Variants in TDRD3 observed in about 807,000 individuals in gnomAD.
The protein encoded by TDRD3 is tudor domain containing 3.
A neutral mutation model predicts 86.7 loss-of-function variants in TDRD3; 45 were observed. The observed-to-expected ratio is 0.52, with a 90% CI of 0.41 to 0.67. The LOEUF (loss-of-function observed/expected upper bound fraction) is 0.67. TDRD3 is among the 30% of genes least tolerant of loss of function. The pLI is 0.00. For synonymous variants in TDRD3, 298 were observed against 301.7 expected (o/e 0.99, Z 0.13); for missense variants, 814 against 889.0 (o/e 0.92, Z 1.07).
intron 5 of TDRD3, among the ~76,000 whole-genome samples, chr13:60,468,677 A>G (rs1956004749): frequency 6.6e-6 from 1 of 152,182 alleles, no homozygotes; most frequent in African/African-American, 2.4e-5. Context: ...TTATGATTAG[A>G]CAGATGATGG....
In TDRD3 at chr13:60,502,241, A is replaced by T. The variant is rs975754328; in HGVS notation, c.859-7522A>T. On this transcript the variant is annotated intron_variant, in intron 8 of 13. Coordinates refer to ENST00000377881, the MANE Select transcript of TDRD3 (RefSeq NM_001146070.2). Reference sequence around the variant, plus strand: ...AACTAGGATATTGATCCAGATTTTTACATTACCCATGCCTTTTTGTTTCTT... The same window carrying T: ...AACTAGGATATTGATCCAGATTTTTTCATTACCCATGCCTTTTTGTTTCTT... Among the ~76,000 whole-genome samples the T allele has an allele frequency of 2.6e-5, 4 of 152,328 alleles. No homozygotes were observed. The South Asian group carries it at 8.3e-4, about 32-fold the overall frequency.
At chr13:60,516,096 T>C (rs966874118) in intron 10 of TDRD3, among the ~76,000 whole-genome samples, 3 of 152,224 alleles carry the variant, frequency 2.0e-5, no homozygotes, top group Non-Finnish European at 2.9e-5. Context: ...TTCAGTGATA[T>C]GCATATATTT....
chr13:60,548,309 A>G (rs1346507992), intron 12 of TDRD3, among the ~76,000 whole-genome samples: 6 of 152,174 alleles, frequency 3.9e-5, no homozygotes, highest in African/African-American at 1.4e-4. Flanking sequence ...GCTTGCAGCT[A>G]AGGAAGAAAG....
chr13:60,444,618 A>G (rs1955356249), intron 2 of TDRD3, 65 bp from the exon 3 acceptor site: 1 of 936,120 alleles, frequency 1.1e-6, no homozygotes, highest in Admixed American at 3.2e-5. Flanking sequence ...TCTTTTGTTC[A>G]TGAGGTTAGA....
intron 3 of TDRD3, among the ~76,000 whole-genome samples, chr13:60,452,450 A>T (rs1415110340): frequency 6.6e-6 from 1 of 152,034 alleles, no homozygotes; most frequent in Non-Finnish European, 1.5e-5. Context: ...TTAAAACACC[A>T]TTTACAACAA....
chr13:60,480,180 C>T (rs1956279812), intron 5 of TDRD3, among the ~76,000 whole-genome samples: 1 of 152,140 alleles, frequency 6.6e-6, no homozygotes, highest in Non-Finnish European at 1.5e-5. Context: ...TCTTGTAAGG[C>T]AGGTCTGGTG....
intron 1 of TDRD3, among the ~76,000 whole-genome samples, chr13:60,435,918 G>GTTTTTTTTTTTTTTTTTGT: frequency 8.0e-6 from 1 of 124,774 alleles, no homozygotes; most frequent in East Asian, 2.0e-4. Context: ...AACATCTATG[G>GTTTTTTTTTTTTTTTTTGT]TTTTTTTTTT....
chr13:60,557,820 A>ATTTTTTTTTTTTTTTTTTTTT (rs749028045), intron 12 of TDRD3, among the ~76,000 whole-genome samples: 8 of 88,252 alleles, frequency 9.1e-5, no homozygotes, highest in Non-Finnish European at 1.6e-4. Context: ...TTTTTTCCTG[A>ATTTTTTTTTTTTTTTTTTTTT]TTTTTTTTTT....
intron 12 of TDRD3, among the ~76,000 whole-genome samples, chr13:60,560,599 G>C (rs905182294): frequency 6.6e-6 from 1 of 152,084 alleles, no homozygotes; most frequent in East Asian, 1.9e-4. Context: ...TACTGTATTT[G>C]CTTCTAGTGT....
chr13:60,482,467 G>A (rs1956338033), intron 5 of TDRD3, among the ~76,000 whole-genome samples: 2 of 152,054 alleles, frequency 1.3e-5, no homozygotes, highest in African/African-American at 4.8e-5. Flanking sequence ...CCTTTATCAG[G>A]TCCTGTAATA....
chr13:60,500,005 G>A (rs1435133766), intron 8 of TDRD3, among the ~76,000 whole-genome samples: 2 of 152,212 alleles, frequency 1.3e-5, no homozygotes, highest in East Asian at 3.8e-4. Context: ...TGCTTGAGGT[G>A]TCAGTGGCAC....
intron 8 of TDRD3, among the ~76,000 whole-genome samples, chr13:60,496,637 C>A (rs1355075829): frequency 6.6e-6 from 1 of 151,938 alleles, no homozygotes. Flanking sequence ...ATACATAATA[C>A]CTTTGACCAT....
intron 8 of TDRD3, among the ~76,000 whole-genome samples, chr13:60,505,330 C>A (rs2137627740): frequency 6.6e-6 from 1 of 152,334 alleles, no homozygotes; most frequent in South Asian, 2.1e-4. Flanking sequence ...CCAGGAAGTT[C>A]TCACTGGGCA....
At chr13:60,440,783 A>G (rs1955245104) in intron 2 of TDRD3, among the ~76,000 whole-genome samples, 1 of 152,206 alleles carries the variant, frequency 6.6e-6, no homozygotes, top group South Asian at 2.1e-4. Context: ...AATCAAATGT[A>G]TGTACTACAA....
intron 1 of TDRD3, among the ~76,000 whole-genome samples, chr13:60,404,868 G>C (rs1203421422): frequency 6.6e-6 from 1 of 152,178 alleles, no homozygotes; most frequent in Non-Finnish European, 1.5e-5. Context: ...GAAGGACCTG[G>C]TGGGAGATGA....
At chr13:60,514,883 T>C (rs1957134674) in intron 10 of TDRD3, among the ~76,000 whole-genome samples, 1 of 152,174 alleles carries the variant, frequency 6.6e-6, no homozygotes, top group Non-Finnish European at 1.5e-5. Context: ...GGGATTGAGA[T>C]TGAAAACAGA....
chr13:60,404,553 G>A (rs9538681), intron 1 of TDRD3, among the ~76,000 whole-genome samples: 29,485 of 151,366 alleles, frequency 0.19, 3,559 homozygotes, highest in South Asian at 0.29. Context: ...CTCGTGATCC[G>A]CCCGCCTCGG....
intron 1 of TDRD3, among the ~76,000 whole-genome samples, chr13:60,431,703 CA>C (rs67787868): frequency 0.011 from 696 of 63,006 alleles, 2 homozygotes; most frequent in African/African-American, 0.032. Flanking sequence ...CTATCTTTAC[CA>C]AAAAAAAAAA....
chr13:60,469,688 C>G (rs558584970), intron 5 of TDRD3, among the ~76,000 whole-genome samples: 1 of 152,140 alleles, frequency 6.6e-6, no homozygotes, highest in Non-Finnish European at 1.5e-5. Context: ...GAGCAGCTGG[C>G]AGTGATATAC....
Sources: allele counts gnomAD v4.1 joint callset (sites outside exome capture counted in the v4.1 genomes callset), GRCh38; gene constraint gnomAD v4.1.1; transcripts MANE v1.5; gene names NCBI Gene and HGNC (gene_info 2026-07-23, HGNC 2026-07-21).